ADARB2: variants seen among roughly 807,000 people sequenced by gnomAD.
ADARB2 encodes adenosine deaminase RNA specific B2 (inactive).
In ADARB2, 25 loss-of-function variants were observed where a neutral mutation model predicts 62.2. The ratio of observed to expected loss-of-function variants is 0.40; its 90% CI spans 0.29 to 0.56. The LOEUF (loss-of-function observed/expected upper bound fraction) is 0.56, where lower values mean the gene tolerates loss of function less well. Ranked by LOEUF, ADARB2 falls within the 20% of genes least tolerant of loss-of-function variation. The pLI, the probability that ADARB2 is intolerant of heterozygous loss-of-function variation, is 0.43. For missense variants in ADARB2, 1,071 were observed against 1,077.4 expected, an observed-to-expected ratio of 0.99 and a Z score of 0.08; for synonymous variants, 572 against 500.8, an observed-to-expected ratio of 1.14 and a Z score of -1.90.
intron 1 of ADARB2, among the ~76,000 whole-genome samples, chr10:1,664,733 A>C (rs191938313): frequency 6.6e-6 from 1 of 152,318 alleles, no homozygotes; most frequent in Non-Finnish European, 1.5e-5. Context: ...CACAGTCAGC[A>C]GACGGCAAGG....
chr10:1,313,827 T>G (rs1831713711), intron 3 of ADARB2, among the ~76,000 whole-genome samples: 1 of 152,254 alleles, frequency 6.6e-6, no homozygotes, highest in East Asian at 1.9e-4. Context: ...CTTCTGAGGT[T>G]GTATGGACTC....
chr10:1,322,232 C>G (rs1246577347), intron 3 of ADARB2, among the ~76,000 whole-genome samples: 1 of 152,136 alleles, frequency 6.6e-6, no homozygotes. Context: ...AGAAAGGACT[C>G]AGCCCATTTG....
chr10:1,254,394 C>G (rs1831062780), intron 4 of ADARB2, among the ~76,000 whole-genome samples: 1 of 152,210 alleles, frequency 6.6e-6, no homozygotes, highest in African/African-American at 2.4e-5. Flanking sequence ...TTCACCAGAA[C>G]TGGGAGAATT....
At chr10:1,344,633 C>A (rs987120613) in intron 3 of ADARB2, among the ~76,000 whole-genome samples, 1 of 152,196 alleles carries the variant, frequency 6.6e-6, no homozygotes, top group African/African-American at 2.4e-5. Context: ...GGACCCCATG[C>A]CTTTCACAGA....
chr10:1,190,594 G>C (rs1836828886), intron 8 of ADARB2, among the ~76,000 whole-genome samples: 1 of 152,190 alleles, frequency 6.6e-6, no homozygotes, highest in African/African-American at 2.4e-5. Context: ...CTCCTTCAGA[G>C]GCTCTGGAGA....
At chr10:1,469,310 C>T (rs2131915506) in intron 1 of ADARB2, among the ~76,000 whole-genome samples, 1 of 152,290 alleles carries the variant, frequency 6.6e-6, no homozygotes, top group East Asian at 1.9e-4. Context: ...ACAAAGCTGG[C>T]AGATGATACT....
chr10:1,413,714 C>T (rs1249286184), intron 1 of ADARB2, among the ~76,000 whole-genome samples: 1 of 152,198 alleles, frequency 6.6e-6, no homozygotes, highest in Non-Finnish European at 1.5e-5. Flanking sequence ...TCAGCCTCAC[C>T]TTGAGAATCT....
chr10:1,232,204 C>T (rs187605808), intron 6 of ADARB2, among the ~76,000 whole-genome samples: 24 of 152,246 alleles, frequency 1.6e-4, no homozygotes, highest in African/African-American at 5.8e-4. Context: ...ATAGCACACA[C>T]ACCACATACA....
rs374425507 is a variant in ADARB2 at position 1,653,001 on chromosome 10, C to T, written c.100+84050G>A. 3.9e-5 allele frequency among the ~76,000 whole-genome samples: 6 copies of T among 152,188 alleles called. No individual in the cohort carries two copies. In the East Asian group the frequency reaches 7.7e-4, roughly 20 times the overall value. On this transcript the variant is annotated intron_variant, in intron 1 of 9. Coordinates refer to ENST00000381312, the MANE Select transcript of ADARB2 (RefSeq NM_018702.4). ...CCCCTCAGACGATGGAGGCCTCCTC[C>T]CCCCTGGGATCCTGATGACAACCAT...
chr10:1,229,349 A>G (rs1463802255), intron 6 of ADARB2, among the ~76,000 whole-genome samples: 1 of 152,106 alleles, frequency 6.6e-6, no homozygotes. Flanking sequence ...GGCTTGGGGA[A>G]TTCCTGGTCC....
chr10:1,342,558 G>C (rs1056905038), intron 3 of ADARB2, among the ~76,000 whole-genome samples: 5 of 152,192 alleles, frequency 3.3e-5, no homozygotes, highest in African/African-American at 1.2e-4. Context: ...CCCATGGGAG[G>C]AGAGTACCCT....
At chr10:1,267,637 C>T (rs142181819) in intron 4 of ADARB2, among the ~76,000 whole-genome samples, 3,894 of 152,180 alleles carry the variant, frequency 0.026, 62 homozygotes, top group Middle Eastern at 0.051. Flanking sequence ...AAAAAGAAGA[C>T]ATTCCAGAAA....
chr10:1,690,781 C>G (rs1254630378), intron 1 of ADARB2, among the ~76,000 whole-genome samples: 1 of 152,188 alleles, frequency 6.6e-6, no homozygotes, highest in East Asian at 1.9e-4. Flanking sequence ...TCCTGTCACC[C>G]CCTCCCCAGC....
At chr10:1,574,629 C>A (rs1056743291) in intron 1 of ADARB2, among the ~76,000 whole-genome samples, 1 of 152,158 alleles carries the variant, frequency 6.6e-6, no homozygotes, top group African/African-American at 2.4e-5. Context: ...TGTGTCCTCA[C>A]GGGGTCCTCC....
At chr10:1,464,706 GCA>G (rs1179694046) in intron 1 of ADARB2, among the ~76,000 whole-genome samples, 3 of 108,748 alleles carry the variant, frequency 2.8e-5, no homozygotes, top group South Asian at 3.9e-4. Context: ...AGCGGGCAGT[GCA>G]CTGGAGAAGA....
intron 1 of ADARB2, among the ~76,000 whole-genome samples, chr10:1,524,872 G>T (rs915744441): frequency 6.6e-6 from 1 of 152,130 alleles, no homozygotes; most frequent in African/African-American, 2.4e-5. Flanking sequence ...CTAGCAGTCT[G>T]GCTGGAATGA....
chr10:1,376,522 CA>C (rs1832430880), intron 2 of ADARB2, among the ~76,000 whole-genome samples: 1 of 152,144 alleles, frequency 6.6e-6, no homozygotes, highest in Non-Finnish European at 1.5e-5. Context: ...TATGGGAGGG[CA>C]GGGGGAAGGA....
chr10:1,214,013 T>C (rs1031196105), intron 7 of ADARB2, among the ~76,000 whole-genome samples: 1 of 146,596 alleles, frequency 6.8e-6, no homozygotes, highest in Non-Finnish European at 1.5e-5. Flanking sequence ...ATTGCGTGGG[T>C]TCGCACCTGT....
chr10:1,326,061 T>C (rs1426964357), intron 3 of ADARB2, among the ~76,000 whole-genome samples: 1 of 152,240 alleles, frequency 6.6e-6, no homozygotes, highest in East Asian at 1.9e-4. Context: ...AGTAGATATG[T>C]AAACAGTAAG....
Sources: gnomAD v4.1 joint callset for allele counts (sites outside exome capture counted in the v4.1 genomes callset) on GRCh38, gnomAD v4.1.1 for gene constraint, MANE v1.5 for transcripts, NCBI Gene and HGNC (gene_info 2026-07-23, HGNC 2026-07-21) for gene names.